Variants in GGTA1 observed in about 807,000 individuals in gnomAD.
The protein encoded by GGTA1 is glycoprotein alpha-galactosyltransferase 1 (inactive), also known as inactive N-acetyllactosaminide alpha-1,3-galactosyltransferase.
A neutral mutation model predicts 2.6 loss-of-function variants in GGTA1; 5 were observed. The ratio of observed to expected loss-of-function variants is 1.92; its 90% CI spans 1.00 to 4.04. The LOEUF (loss-of-function observed/expected upper bound fraction) is 4.04. Ranked by LOEUF, GGTA1 falls within the 30% of genes most tolerant of loss-of-function variation. The pLI, the probability that GGTA1 is intolerant of heterozygous loss-of-function variation, is 0.00. For missense variants in GGTA1, 50 were observed against 16.7 expected, an observed-to-expected ratio of 2.99 and a Z score of -3.47; for synonymous variants, 17 against 5.0, an observed-to-expected ratio of 3.38 and a Z score of -3.19.
chr9:121,486,499 C>G (rs1443813491), intron 1 of GGTA1, among the ~76,000 whole-genome samples: 1 of 152,196 alleles, frequency 6.6e-6, no homozygotes, highest in African/African-American at 2.4e-5. Context: ...CTAGGGAAGG[C>G]CCCACAACCC....
At chr9:121,462,688 A>G (rs1244906994) in intron 3 of GGTA1, 1 of 152,184 alleles carries the variant, frequency 6.6e-6, no homozygotes, top group African/African-American at 2.4e-5. Flanking sequence ...GATTTCAGCA[A>G]ATTTCCAAGG....
intron 1 of GGTA1, among the ~76,000 whole-genome samples, chr9:121,488,483 G>C (rs1433076310): frequency 6.6e-6 from 1 of 152,156 alleles, no homozygotes. Flanking sequence ...GGGAGGCCAA[G>C]GTAGGTGGAT....
At chr9:121,450,468 C>T (rs1405480130), downstream of GGTA1, among the ~76,000 whole-genome samples, 4 of 152,160 alleles carry the variant, frequency 2.6e-5, no homozygotes, top group Admixed American at 2.0e-4. Flanking sequence ...AGTCCAAATC[C>T]ACTTGTAAAG....
intron 1 of GGTA1, chr9:121,479,427 C>T (rs1048092772): frequency 7.5e-6 from 2 of 268,104 alleles, no homozygotes; most frequent in African/African-American, 2.3e-5. Context: ...CTTTGGGAAA[C>T]GAGCTGTTTA....
intron 5 of GGTA1, among the ~76,000 whole-genome samples, chr9:121,459,641 T>C (rs961900288): frequency 1.4e-4 from 21 of 152,244 alleles, no homozygotes; most frequent in African/African-American, 4.8e-4. Context: ...CTGAGGCCTG[T>C]GTCTCCTCCT....
At chr9:121,483,732 C>T (rs767426458) in intron 1 of GGTA1, among the ~76,000 whole-genome samples, 1 of 152,192 alleles carries the variant, frequency 6.6e-6, no homozygotes, top group Non-Finnish European at 1.5e-5. Flanking sequence ...GTTGTAGAGG[C>T]AGCTGCAGAC....
At chr9:121,470,520 A>G (rs545262668) in intron 1 of GGTA1, among the ~76,000 whole-genome samples, 8 of 152,356 alleles carry the variant, frequency 5.3e-5, no homozygotes, top group Admixed American at 3.3e-4. Context: ...CTAGACATGC[A>G]GTTGGAAGAG....
At position 121,460,093 on chromosome 9, in the gene GGTA1, G is replaced by A. The variant is rs781655524; in HGVS notation, c.298+11C>T. On this transcript the variant is annotated intron_variant, in intron 5 of 5. Transcript: ENST00000481799. ...GATTTGCTGCACAGGGAGTGACGCC[G>A]CTTTTCTTACTTTGGATTAAACCAG... is the stretch of plus-strand genomic sequence containing the variant. 25 of 456,488 alleles carry A rather than the reference G, an allele frequency of 5.5e-5. No individual in the cohort carries two copies. The highest frequency in any genetic ancestry group is 9.3e-5 in the South Asian group (6 of 64,560). The allele number at this position is 456,488 out of a possible 1,614,324, so 28.3% of individuals were successfully genotyped here. A position where few individuals can be genotyped will look rare whatever the true frequency, so the allele number is the denominator to read the frequency against.
chr9:121,468,223 G>A (rs1021528479), intron 1 of GGTA1, among the ~76,000 whole-genome samples: 5 of 152,050 alleles, frequency 3.3e-5, no homozygotes, highest in African/African-American at 1.2e-4. Context: ...CCTGTGTCCA[G>A]GTGTTCTCAT....
At chr9:121,493,082 C>G (rs551782157) in intron 1 of GGTA1, among the ~76,000 whole-genome samples, 69 of 151,416 alleles carry the variant, frequency 4.6e-4, no homozygotes, top group African/African-American at 1.6e-3. Flanking sequence ...TGCAGTGAGC[C>G]AAAATCACGC....
chr9:121,448,794 A>G (rs2064864222), intron 7 of GGTA1, among the ~76,000 whole-genome samples: 1 of 152,170 alleles, frequency 6.6e-6, no homozygotes, highest in South Asian at 2.1e-4. Context: ...ATTTGTTACA[A>G]TCGATGAAGC....
chr9:121,457,812 C>T (rs991135465), intron 5 of GGTA1, among the ~76,000 whole-genome samples: 3 of 151,124 alleles, frequency 2.0e-5, no homozygotes, highest in East Asian at 1.9e-4. Context: ...TCTCGGGAGA[C>T]GGTCACAAAT....
chr9:121,446,779 TG>T (rs2064853997), exon 8 of GGTA1: 2 of 152,186 alleles, frequency 1.3e-5, no homozygotes, highest in African/African-American at 4.8e-5. Context: ...CAAGGAGGAA[TG>T]GTATGTTTTT....
intron 1 of GGTA1, among the ~76,000 whole-genome samples, chr9:121,472,006 A>C (rs1447223747): frequency 6.6e-6 from 1 of 152,200 alleles, no homozygotes. Context: ...TGTGAGTCTC[A>C]ACTTTGACAA....
At chr9:121,453,297 C>G (rs367667960), downstream of GGTA1, among the ~76,000 whole-genome samples, 22 of 152,258 alleles carry the variant, frequency 1.4e-4, no homozygotes, top group African/African-American at 5.1e-4. Flanking sequence ...ACTAGGAACA[C>G]AAAAGGGGTG....
At chr9:121,447,743 C>G (rs1045522565) in intron 7 of GGTA1, 2 of 152,052 alleles carry the variant, frequency 1.3e-5, no homozygotes, top group African/African-American at 4.8e-5. Flanking sequence ...ATCATCTTGT[C>G]TATATTTTAT....
chr9:121,458,188 GC>G (rs1371808953), intron 5 of GGTA1, among the ~76,000 whole-genome samples: 2 of 151,770 alleles, frequency 1.3e-5, no homozygotes, highest in Non-Finnish European at 2.9e-5. Context: ...AGGATTACAG[GC>G]GTGAGCCAAA....
intron 1 of GGTA1, among the ~76,000 whole-genome samples, chr9:121,470,231 T>C (rs912896360): frequency 6.6e-6 from 1 of 152,250 alleles, no homozygotes; most frequent in Non-Finnish European, 1.5e-5. Context: ...AGTGGTAGAT[T>C]AATCAAAATA....
At chr9:121,458,653 TAAA>T (rs2118660233) in intron 5 of GGTA1, among the ~76,000 whole-genome samples, 2 of 144,806 alleles carry the variant, frequency 1.4e-5, no homozygotes, top group African/African-American at 5.2e-5. Flanking sequence ...AATAAATAAA[TAAA>T]TAAATAAAGG....
Sources: gnomAD v4.1 joint callset for allele counts (sites outside exome capture counted in the v4.1 genomes callset) on GRCh38, gnomAD v4.1.1 for gene constraint, MANE v1.5 for transcripts, NCBI Gene and HGNC (gene_info 2026-07-23, HGNC 2026-07-21) for gene names.